Variants in ALKBH3 observed in about 807,000 individuals in gnomAD.
ALKBH3 encodes alkB homolog 3, alpha-ketoglutarate dependent dioxygenase, also known as alpha-ketoglutarate-dependent dioxygenase alkB homolog 3.
A neutral mutation model predicts 43.9 loss-of-function variants in ALKBH3; 51 were observed. The observed-to-expected ratio is 1.16, with a 90% CI of 0.93 to 1.47. The LOEUF (loss-of-function observed/expected upper bound fraction) is 1.47, where lower values mean the gene tolerates loss of function less well. Among genes scored for constraint, ALKBH3 ranks in the 40% most tolerant of loss-of-function variants. The probability of loss-of-function intolerance (pLI) is 0.00; values close to 1 mark genes in which losing one functional copy is unlikely to be tolerated. For synonymous variants in ALKBH3, 102 were observed against 115.2 expected (o/e 0.89, Z 0.73); for missense variants, 361 against 351.9 (o/e 1.03, Z -0.21).
chr11:43,899,506 G>C, intron 7 of ALKBH3: 1 of 699,316 alleles, frequency 1.4e-6, no homozygotes, highest in Non-Finnish European at 2.7e-6. Context: ...TCTCCCAGTT[G>C]AGTGCACCAC....
At chr11:43,910,720 A>G (rs980813673) in intron 8 of ALKBH3, among the ~76,000 whole-genome samples, 1 of 152,186 alleles carries the variant, frequency 6.6e-6, no homozygotes, top group African/African-American at 2.4e-5. Flanking sequence ...TAAAGAACCC[A>G]TCTCTCTTAC....
At chr11:43,891,267 T>G (rs1484647387) in intron 6 of ALKBH3, among the ~76,000 whole-genome samples, 1 of 152,216 alleles carries the variant, frequency 6.6e-6, no homozygotes, top group Non-Finnish European at 1.5e-5. Context: ...TCAAAGTAGT[T>G]GTTAATTTTA....
chr11:43,913,704 A>G (rs1480031259), intron 8 of ALKBH3, among the ~76,000 whole-genome samples: 1 of 152,260 alleles, frequency 6.6e-6, no homozygotes, highest in African/African-American at 2.4e-5. Flanking sequence ...GAAGCACATC[A>G]GATGACAACG....
Position 43,908,873 on chromosome 11 carries a change from G to A in ALKBH3, c.669+7148G>A, listed in dbSNP as rs560049979. ...GATGCCTGCTGAGAGAGCTTGTGCCGCAGCCAACAATTGCCCAGGCCTCCC... is the reference window on the plus strand; with the variant it reads ...GATGCCTGCTGAGAGAGCTTGTGCCACAGCCAACAATTGCCCAGGCCTCCC... On this transcript the variant is annotated intron_variant, in intron 8 of 9. Transcript: ENST00000302708. Among the ~76,000 whole-genome samples the A allele has an allele frequency of 1.5e-4, 23 of 152,280 alleles. No individual in the cohort carries two copies. In the South Asian group the frequency reaches 3.1e-3, roughly 21 times the overall value.
In ALKBH3 at chr11:43,882,627, T is replaced by C. The variant is rs907099847; in HGVS notation, c.-26T>C. On this transcript the variant is annotated 5_prime_UTR_variant, in exon 2 of 10. Coordinates refer to ENST00000302708, the MANE Select transcript of ALKBH3 (RefSeq NM_139178.4). ...AACAGGAACAAAATCTTCTGAAAGC[T>C]CGGAGCAGAAGCCTTTTTGGTCAAC... The C allele has an allele frequency of 6.2e-7, 1 of 1,602,448 alleles. No individual in the cohort carries two copies. The highest frequency in any genetic ancestry group is 1.4e-5 in the African/African-American group (1 of 73,990).
At chr11:43,897,771 T>C in intron 7 of ALKBH3, 2 of 806,696 alleles carry the variant, frequency 2.5e-6, no homozygotes, top group Admixed American at 1.7e-5. Flanking sequence ...TTCCAATTGC[T>C]ATACCGTTCA....
chr11:43,884,585 A>T (rs1238679338), intron 4 of ALKBH3, among the ~76,000 whole-genome samples: 5 of 152,146 alleles, frequency 3.3e-5, no homozygotes, highest in Admixed American at 3.3e-4. Context: ...GTCAGTTTTC[A>T]TCTGATGTAG....
intron 8 of ALKBH3, among the ~76,000 whole-genome samples, chr11:43,914,802 G>A (rs923487941): frequency 1.3e-5 from 2 of 151,970 alleles, no homozygotes; most frequent in Non-Finnish European, 2.9e-5. Flanking sequence ...TGTGGTTGTA[G>A]ATCAATAAGA....
intron 7 of ALKBH3, chr11:43,899,129 G>C: frequency 1.3e-6 from 1 of 771,180 alleles, no homozygotes; most frequent in Non-Finnish European, 2.4e-6. Flanking sequence ...ATCACTCCAA[G>C]AGGTCGCCAC....
At position 43,896,268 on chromosome 11, in the gene ALKBH3, T is replaced by TACACACAC. The variant is rs71035662; in HGVS notation, c.459+4164_459+4171dup. 5.0e-3 allele frequency among the ~76,000 whole-genome samples: 738 copies of TACACACAC among 147,362 alleles called. 5 individuals carry two copies. Among genetic ancestry groups the TACACACAC allele is most frequent in the African/African-American group, 0.017 (668 of 39,752 alleles). On this transcript the variant is annotated intron_variant, in intron 7 of 9. Coordinates refer to ENST00000302708, the MANE Select transcript of ALKBH3 (RefSeq NM_139178.4). ...AGAGGGACAGAACTAATAGGATAGATACACACACACACACACACACACACA... is the reference window on the plus strand; with the variant it reads ...AGAGGGACAGAACTAATAGGATAGATACACACACACACACACACACACACACACACACA...
intron 7 of ALKBH3, among the ~76,000 whole-genome samples, chr11:43,895,449 C>T (rs1446880434): frequency 6.6e-6 from 1 of 152,158 alleles, no homozygotes; most frequent in Non-Finnish European, 1.5e-5. Context: ...TGTCTTCTGC[C>T]TTGATTGTGA....
chr11:43,914,119 G>C (rs1255101338), intron 8 of ALKBH3, among the ~76,000 whole-genome samples: 16 of 152,138 alleles, frequency 1.1e-4, no homozygotes, highest in Admixed American at 1.0e-3. Flanking sequence ...TATAGTCAGG[G>C]TGCCATATAA....
At chr11:43,894,910 T>TA (rs1180188997) in intron 7 of ALKBH3, among the ~76,000 whole-genome samples, 1 of 152,222 alleles carries the variant, frequency 6.6e-6, no homozygotes, top group East Asian at 1.9e-4. Flanking sequence ...GAACAAGAGA[T>TA]AAAGAAACTT....
intron 8 of ALKBH3, among the ~76,000 whole-genome samples, chr11:43,908,732 A>G (rs916004367): frequency 1.3e-5 from 2 of 152,182 alleles, no homozygotes. Flanking sequence ...GTATTATTGC[A>G]GCAATAAGTC....
chr11:43,901,629 C>T lies in ALKBH3; in HGVS notation c.573C>T (p.His191=). ...ATGAGAAGGACAGCGTGGACTGGCA[C>T]AGTGATGATGAACCCTCACTAGGGA... ...YRNEKDSVDW[H]SDDEPSLGRC... Residue 191 remains histidine (H), a synonymous_variant, in exon 8 of 10, where the codon CAC becomes CAT. Transcript: ENST00000302708. 6.2e-7 allele frequency: 1 copy of T among 1,614,264 alleles called. No homozygotes were observed. The highest frequency in any genetic ancestry group is 8.5e-7 in the Non-Finnish European group (1 of 1,180,044).
intron 8 of ALKBH3, among the ~76,000 whole-genome samples, chr11:43,915,124 C>T (rs187579298): frequency 0.015 from 2,244 of 151,628 alleles, 29 homozygotes; most frequent in Middle Eastern, 0.034. Flanking sequence ...ACAAGAATCG[C>T]TTGAACCCAG....
chr11:43,906,454 C>G (rs1454351916), intron 8 of ALKBH3, among the ~76,000 whole-genome samples: 6 of 152,214 alleles, frequency 3.9e-5, no homozygotes, highest in Admixed American at 3.3e-4. Flanking sequence ...AGAGTGGAAA[C>G]AACCCACACC....
chr11:43,904,650 T>G (rs1951884118), intron 8 of ALKBH3, among the ~76,000 whole-genome samples: 1 of 152,172 alleles, frequency 6.6e-6, no homozygotes, highest in Non-Finnish European at 1.5e-5. Context: ...TTCTTTGAGT[T>G]GATGGCCTTG....
intron 8 of ALKBH3, among the ~76,000 whole-genome samples, chr11:43,917,132 C>G (rs191217472): frequency 1.3e-5 from 2 of 152,184 alleles, no homozygotes; most frequent in Non-Finnish European, 2.9e-5. Flanking sequence ...GTGTTCAAAA[C>G]CAACCTGAGA....
Sources: allele counts gnomAD v4.1 joint callset (sites outside exome capture counted in the v4.1 genomes callset), GRCh38; gene constraint gnomAD v4.1.1; transcripts MANE v1.5; gene names NCBI Gene and HGNC (gene_info 2026-07-23, HGNC 2026-07-21).